Variants in NRXN1 observed in about 807,000 individuals in gnomAD.
NRXN1 encodes the protein neurexin-1.
A neutral mutation model predicts 150.9 loss-of-function variants in NRXN1; 39 were observed. That is an observed-to-expected ratio of 0.26 (90% CI 0.20 to 0.34). The LOEUF is 0.34. NRXN1 is among the 10% of genes least tolerant of loss of function. The probability of loss-of-function intolerance (pLI) is 1.00; values close to 1 mark genes in which losing one functional copy is unlikely to be tolerated. For missense variants in NRXN1, 1,815 were observed against 1,949.9 expected (o/e 0.93, Z 1.30); for synonymous variants, 924 against 757.0 (o/e 1.22, Z -3.62).
intron 18 of NRXN1, among the ~76,000 whole-genome samples, chr2:50,121,172 C>A (rs1298230223): frequency 6.6e-6 from 1 of 152,048 alleles, no homozygotes; most frequent in Non-Finnish European, 1.5e-5. Context: ...TAGAGGTGTG[C>A]CACCAAACCT....
chr2:50,603,920 C>A (rs947412170), intron 8 of NRXN1, among the ~76,000 whole-genome samples: 1 of 152,156 alleles, frequency 6.6e-6, no homozygotes, highest in Non-Finnish European at 1.5e-5. Context: ...TGCTTCCGAC[C>A]ACTCAAGCTC....
chr2:50,751,255 A>G (rs566179013), intron 5 of NRXN1, among the ~76,000 whole-genome samples: 28 of 152,214 alleles, frequency 1.8e-4, no homozygotes, highest in African/African-American at 6.5e-4. Context: ...TTACATGAAT[A>G]TTTAGTTTAT....
intron 8 of NRXN1, among the ~76,000 whole-genome samples, chr2:50,557,532 A>G (rs1010852713): frequency 1.3e-5 from 2 of 152,122 alleles, no homozygotes; most frequent in African/African-American, 4.8e-5. Context: ...CAGCTCACTC[A>G]TTTTCAAACC....
intron 5 of NRXN1, among the ~76,000 whole-genome samples, chr2:50,898,400 T>C (rs905775281): frequency 5.3e-5 from 8 of 152,144 alleles, no homozygotes; most frequent in Admixed American, 5.2e-4. Context: ...CAAAGATGTA[T>C]AAGAGAGGAA....
At chr2:50,081,044 T>C (rs111286428) in intron 19 of NRXN1, among the ~76,000 whole-genome samples, 197 of 152,314 alleles carry the variant, frequency 1.3e-3, no homozygotes, top group Admixed American at 3.9e-3. Context: ...CAAATGTAGA[T>C]AGATGTGTAT....
intron 5 of NRXN1, among the ~76,000 whole-genome samples, chr2:50,649,265 C>T (rs865970964): frequency 7.5e-6 from 1 of 132,964 alleles, no homozygotes; most frequent in African/African-American, 2.6e-5. Context: ...CACATACACA[C>T]ACACACACAC....
intron 17 of NRXN1, among the ~76,000 whole-genome samples, chr2:50,405,013 C>T (rs776168302): frequency 4.6e-5 from 7 of 152,080 alleles, no homozygotes; most frequent in South Asian, 2.1e-4. Context: ...CCTTGACAAA[C>T]GTTCTGGTCT....
At chr2:50,412,398 A>G (rs2083257767) in intron 17 of NRXN1, among the ~76,000 whole-genome samples, 1 of 151,982 alleles carries the variant, frequency 6.6e-6, no homozygotes, top group African/African-American at 2.4e-5. Context: ...TTTAAAATAC[A>G]TATTCATAAG....
intron 10 of NRXN1, 92 bp downstream of exon 10, chr2:50,538,161 C>T: frequency 7.1e-7 from 1 of 1,400,876 alleles, no homozygotes; most frequent in South Asian, 1.4e-5. Flanking sequence ...GTAGAGTATA[C>T]ATTACGTTTC....
intron 5 of NRXN1, among the ~76,000 whole-genome samples, chr2:50,796,125 C>T (rs889077174): frequency 2.0e-5 from 3 of 152,080 alleles, no homozygotes; most frequent in Non-Finnish European, 4.4e-5. Flanking sequence ...ATTAAATAGG[C>T]TTGGTCTGGT....
chr2:50,178,441 C>T (rs2060485650), intron 18 of NRXN1, among the ~76,000 whole-genome samples: 2 of 152,020 alleles, frequency 1.3e-5, no homozygotes, highest in Non-Finnish European at 2.9e-5. Flanking sequence ...CCAACTTTTT[C>T]ATGCTACTTT....
chr2:50,239,006 G>A (rs1373544022), intron 17 of NRXN1, among the ~76,000 whole-genome samples: 2 of 151,976 alleles, frequency 1.3e-5, no homozygotes, highest in East Asian at 1.9e-4. Flanking sequence ...GCACCAGTCA[G>A]TGCACAAAGA....
intron 17 of NRXN1, among the ~76,000 whole-genome samples, chr2:50,433,499 AT>A (rs1260347269): frequency 2.0e-5 from 3 of 151,178 alleles, no homozygotes; most frequent in Non-Finnish European, 4.4e-5. Flanking sequence ...TCTTCTATAT[AT>A]TTTCTCAGTA....
intron 5 of NRXN1, among the ~76,000 whole-genome samples, chr2:50,713,837 A>G (rs1695514940): frequency 6.6e-6 from 1 of 152,194 alleles, no homozygotes; most frequent in South Asian, 2.1e-4. Flanking sequence ...ATCAAATGTC[A>G]TAGGATCCTG....
intron 5 of NRXN1, among the ~76,000 whole-genome samples, chr2:50,803,762 C>G (rs190632479): frequency 6.6e-6 from 1 of 152,256 alleles, no homozygotes; most frequent in African/African-American, 2.4e-5. Flanking sequence ...CGTTCAAGAT[C>G]ATAAACAAAA....
chr2:50,359,249 C>T (rs2882689), intron 17 of NRXN1, among the ~76,000 whole-genome samples: 13,564 of 151,664 alleles, frequency 0.089, 822 homozygotes, highest in Non-Finnish European at 0.13. Flanking sequence ...AACTGGACGG[C>T]GAATGAGTTT....
chr2:50,333,304 C>T (rs939552166), intron 17 of NRXN1, among the ~76,000 whole-genome samples: 15 of 152,286 alleles, frequency 9.8e-5, no homozygotes, highest in Admixed American at 7.8e-4. Flanking sequence ...CGGGCTGCAA[C>T]GTTGCCCTAC....
chr2:50,575,676 T>A (rs1405011126), intron 8 of NRXN1, among the ~76,000 whole-genome samples: 1 of 152,202 alleles, frequency 6.6e-6, no homozygotes, highest in African/African-American at 2.4e-5. Context: ...TTGGCTAAAA[T>A]ATGTTGCTGG....
intron 5 of NRXN1, among the ~76,000 whole-genome samples, chr2:50,721,342 C>T (rs1376791762): frequency 1.3e-5 from 2 of 152,298 alleles, no homozygotes; most frequent in East Asian, 3.9e-4. Context: ...CTAGTTTGTA[C>T]TGGGCTCTAG....
Sources: allele counts gnomAD v4.1 joint callset (sites outside exome capture counted in the v4.1 genomes callset), GRCh38; gene constraint gnomAD v4.1.1; transcripts MANE v1.5; gene names NCBI Gene and HGNC (gene_info 2026-07-23, HGNC 2026-07-21).